KLB: variants seen among roughly 807,000 people sequenced by gnomAD.
The protein encoded by KLB is beta-klotho.
KLB carries 44 observed loss-of-function variants against 88.4 expected under a neutral mutation model. The ratio of observed to expected loss-of-function variants is 0.50; its 90% CI spans 0.39 to 0.64. The LOEUF (loss-of-function observed/expected upper bound fraction) is 0.64, where lower values mean the gene tolerates loss of function less well. Among genes scored for constraint, KLB ranks in the 30% least tolerant of loss-of-function variants. The pLI, the probability that KLB is intolerant of heterozygous loss-of-function variation, is 0.00. For synonymous variants in KLB, 548 were observed against 513.4 expected (o/e 1.07, Z -0.91); for missense variants, 1,137 against 1,304.8 (o/e 0.87, Z 1.98).
intron 1 of KLB, among the ~76,000 whole-genome samples, chr4:39,431,551 C>T (rs189575984): frequency 3.9e-5 from 6 of 152,200 alleles, no homozygotes. Flanking sequence ...ATGCCCGGCC[C>T]GAGGAAAGCA....
Position 39,449,466 on chromosome 4 carries a change from G to A in KLB, c.*780G>A, listed in dbSNP as rs1364591489. ...AAGGTGCCTTCTCCTTTAGGTCAGG[G>A]TGGTTCTAAAATGGAAAGAAAACAC... On this transcript the variant is annotated 3_prime_UTR_variant, in exon 5 of 5. Transcript: ENST00000257408. The A allele has an allele frequency of 6.6e-6, 1 of 152,050 alleles. No homozygotes were observed. Among genetic ancestry groups the A allele is most frequent in the African/African-American group, 2.4e-5 (1 of 41,380 alleles). 9.4% of individuals were successfully genotyped at this position (152,050 alleles called of 1,614,324 possible).
intron 1 of KLB, among the ~76,000 whole-genome samples, chr4:39,424,447 A>G (rs1319157584): frequency 1.3e-5 from 2 of 151,502 alleles, no homozygotes. Flanking sequence ...CTCACCTAGA[A>G]ATGCTTCCAA....
chr4:39,413,221 A>G (rs1165590007), intron 1 of KLB, among the ~76,000 whole-genome samples: 1 of 152,182 alleles, frequency 6.6e-6, no homozygotes, highest in African/African-American at 2.4e-5. Flanking sequence ...GCAAAGCCCC[A>G]AGGGTTCACA....
At chr4:39,434,891 C>T (rs1046499163) in intron 2 of KLB, among the ~76,000 whole-genome samples, 171 bp downstream of exon 2, 3 of 152,006 alleles carry the variant, frequency 2.0e-5, no homozygotes, top group African/African-American at 7.2e-5. Context: ...ACTGCAACCT[C>T]CGCCTCCTGG....
At position 39,448,752 on chromosome 4, in the gene KLB, GGA is replaced by G. The variant is rs1393959788; in HGVS notation, c.*69_*70del. ...CAGTTCCATATGCTGGTAACTTACA[GGA>G]GATATACCTGTATTATAGAAAGACA... On this transcript the variant is annotated 3_prime_UTR_variant, in exon 5 of 5. Coordinates refer to ENST00000257408, the MANE Select transcript of KLB (RefSeq NM_175737.4). The G allele has an allele frequency of 2.2e-5, 31 of 1,427,878 alleles. No individual in the cohort carries two copies. Among genetic ancestry groups the G allele is most frequent in the Middle Eastern group, 4.5e-4 (2 of 4,418 alleles). The allele number at this position is 1,427,878 out of a possible 1,614,324, so 88.5% of individuals were successfully genotyped here. A position where few individuals can be genotyped will look rare whatever the true frequency, so the allele number is the denominator to read the frequency against.
chr4:39,445,684 G>GTTTTTTTT (rs67319815), intron 3 of KLB, among the ~76,000 whole-genome samples: 2 of 94,944 alleles, frequency 2.1e-5, no homozygotes, highest in Non-Finnish European at 2.3e-5. Flanking sequence ...TTGTTTTTTT[G>GTTTTTTTT]TTTTTTTTTT....
At position 39,407,741 on chromosome 4, in the gene KLB, A is replaced by G. The variant is rs1403683408; in HGVS notation, c.792A>G (p.Ala264=). 6.2e-7 allele frequency: 1 copy of G among 1,606,088 alleles called. No individual in the cohort carries two copies. The highest frequency in any genetic ancestry group is 1.1e-5 in the South Asian group (1 of 90,782). The change falls in exon 1 of 5, where the codon GCA becomes GCG. Residue 264 remains alanine, a synonymous_variant. Coordinates refer to ENST00000257408, the MANE Select transcript of KLB (RefSeq NM_175737.4). The part of the protein sequence containing the change: ...MHAPGEKGNL[A]AVYTVGHNLI... The stretch of plus-strand genomic sequence containing the variant: ...CCCCTGGAGAGAAGGGAAATTTAGC[A>G]GCTGTCTACACTGTGGGACACAACT...
chr4:39,437,880 A>T lies in KLB; in HGVS notation c.1490A>T (p.His497Leu). 6.2e-7 allele frequency: 1 copy of T among 1,614,248 alleles called. No individual in the cohort carries two copies. Among genetic ancestry groups the T allele is most frequent in the Non-Finnish European group, 8.5e-7 (1 of 1,180,036 alleles). Residue 497 changes from histidine (H) to leucine (L), a missense_variant, in exon 3 of 5, where the codon CAC becomes CTC. His to Leu is a moderately conservative substitution (Grantham distance 99). This residue lies in a region of KLB where 597 missense variants were observed against 765.2 expected (regional missense o/e 0.78). Transcript: ENST00000257408. ...QKERKPKSSA[H>L]YYKQIIRENG... ...GAGCGGAAACCTAAGTCTTCAGCAC[A>T]CTACTACAAACAGATCATACGAGAA... is the stretch of plus-strand genomic sequence containing the variant.
intron 1 of KLB, among the ~76,000 whole-genome samples, chr4:39,416,124 C>T (rs1304069183): frequency 6.6e-6 from 1 of 151,964 alleles, no homozygotes; most frequent in Middle Eastern, 3.2e-3. Context: ...CACACACACA[C>T]ACACACACAC....
chr4:39,411,979 A>C (rs1252046862), intron 1 of KLB: 1 of 151,686 alleles, frequency 6.6e-6, no homozygotes, highest in Non-Finnish European at 1.5e-5. Flanking sequence ...CTCCCACTAT[A>C]TAAGAATGAT....
At chr4:39,439,456 T>TG (rs1743548087) in intron 3 of KLB, among the ~76,000 whole-genome samples, 2 of 46,608 alleles carry the variant, frequency 4.3e-5, no homozygotes, top group South Asian at 5.0e-4. Context: ...TTGCTGTTGT[T>TG]TTTGTTTTTG....
intron 2 of KLB, among the ~76,000 whole-genome samples, chr4:39,435,907 A>AT (rs1230517426): frequency 1.3e-5 from 2 of 152,378 alleles, no homozygotes; most frequent in East Asian, 3.9e-4. Context: ...TCCTAACAGT[A>AT]GTACTTTATT....
intron 1 of KLB, among the ~76,000 whole-genome samples, chr4:39,411,332 T>TTTTGA (rs1163637666): frequency 7.1e-5 from 6 of 85,080 alleles, no homozygotes; most frequent in African/African-American, 2.5e-4. Context: ...TTTTGTTTTG[T>TTTTGA]TTTGATTTTT....
At chr4:39,409,235 A>AT (rs918952503) in intron 1 of KLB, among the ~76,000 whole-genome samples, 8 of 152,036 alleles carry the variant, frequency 5.3e-5, no homozygotes, top group Admixed American at 2.6e-4. Flanking sequence ...TTTAACAGTT[A>AT]TCAAGATTAT....
At position 39,448,763 on chromosome 4, in the gene KLB, T is replaced by A. The variant is rs1743821845; in HGVS notation, c.*77T>A. The stretch of plus-strand genomic sequence containing the variant: ...GCTGGTAACTTACAGGAGATATACC[T>A]GTATTATAGAAAGACAATCTGAGAT... On this transcript the variant is annotated 3_prime_UTR_variant, in exon 5 of 5. Coordinates refer to ENST00000257408, the MANE Select transcript of KLB (RefSeq NM_175737.4). The A allele has an allele frequency of 1.5e-6, 2 of 1,343,172 alleles. No homozygotes were observed. Among genetic ancestry groups the A allele is most frequent in the Non-Finnish European group, 2.0e-6 (2 of 984,716 alleles). 83.2% of individuals were successfully genotyped at this position (1,343,172 alleles called of 1,614,324 possible). A position where few individuals can be genotyped will look rare whatever the true frequency, so the allele number is the denominator to read the frequency against.
intron 1 of KLB, among the ~76,000 whole-genome samples, chr4:39,412,727 C>G (rs889540732): frequency 2.6e-5 from 4 of 152,134 alleles, no homozygotes; most frequent in Non-Finnish European, 4.4e-5. Flanking sequence ...TTTTCCATCT[C>G]CCCAGCTAGA....
Position 39,423,832 on chromosome 4 carries a change from G to A in KLB, c.826-10378G>A, listed in dbSNP as rs113314031. Among the ~76,000 whole-genome samples the A allele has an allele frequency of 9.1e-3, 1,384 of 151,686 alleles. 65 individuals carry two copies. The highest frequency in any genetic ancestry group is 0.032 in the African/African-American group (1,294 of 41,018). ...ACGAGCCTGAGACTTTTACAATAGT[G>A]GGGAAGGATCTTTTTTTTAAAATAA... On this transcript the variant is annotated intron_variant, in intron 1 of 4. Coordinates refer to ENST00000257408, the MANE Select transcript of KLB (RefSeq NM_175737.4).
At chr4:39,448,173 A>C (rs1475126044) in intron 4 of KLB, 128 bp from the exon 5 acceptor site, 5 of 633,994 alleles carry the variant, frequency 7.9e-6, no homozygotes, top group East Asian at 5.7e-5. Context: ...GTCAAAAAAA[A>C]CCCTCTAATA....
intron 1 of KLB, among the ~76,000 whole-genome samples, chr4:39,426,372 G>A (rs187068667): frequency 1.5e-5 from 2 of 135,612 alleles, no homozygotes; most frequent in East Asian, 4.3e-4. Context: ...CTGAGATCGC[G>A]CCACTACACT....
Sources: allele counts gnomAD v4.1 joint callset (sites outside exome capture counted in the v4.1 genomes callset), GRCh38; gene constraint gnomAD v4.1.1; regional missense constraint gnomAD v4.1.1; transcripts MANE v1.5; gene names NCBI Gene and HGNC (gene_info 2026-07-23, HGNC 2026-07-21).